The following GRID2 variants were observed in gnomAD, a reference collection of about 807,000 sequenced individuals.
GRID2 encodes glutamate ionotropic receptor delta type subunit 2.
Under a neutral mutation model 114.8 loss-of-function variants are expected in GRID2, and 33 were observed. That is an observed-to-expected ratio of 0.29 (90% CI 0.22 to 0.38). The LOEUF (loss-of-function observed/expected upper bound fraction) is 0.38. Ranked by LOEUF, GRID2 falls within the 10% of genes least tolerant of loss-of-function variation. The pLI, the probability that GRID2 is intolerant of heterozygous loss-of-function variation, is 1.00. For synonymous variants in GRID2, 505 were observed against 449.9 expected (o/e 1.12, Z -1.55); for missense variants, 1,184 against 1,257.7 (o/e 0.94, Z 0.89).
At chr4:92,921,586 G>T (rs1307839179) in intron 2 of GRID2, among the ~76,000 whole-genome samples, 6 of 152,142 alleles carry the variant, frequency 3.9e-5, no homozygotes, top group Non-Finnish European at 5.9e-5. Context: ...TCAGCTGCAG[G>T]TCTGTTGGAG....
chr4:92,509,522 C>T (rs1579490272), intron 1 of GRID2, among the ~76,000 whole-genome samples: 3 of 151,908 alleles, frequency 2.0e-5, no homozygotes, highest in Non-Finnish European at 2.9e-5. Context: ...TGCTTGTTCT[C>T]ATGGAACCTA....
At chr4:93,501,135 A>ACCT (rs976205980) in intron 12 of GRID2, among the ~76,000 whole-genome samples, 1 of 151,970 alleles carries the variant, frequency 6.6e-6, no homozygotes, top group African/African-American at 2.4e-5. Flanking sequence ...TTAGAATCTG[A>ACCT]CCTGAGAGTG....
At chr4:92,945,723 A>C (rs1299726920) in intron 2 of GRID2, among the ~76,000 whole-genome samples, 1 of 152,156 alleles carries the variant, frequency 6.6e-6, no homozygotes. Context: ...TGGGAAGTTT[A>C]AATTGGATGT....
chr4:92,410,758 A>G (rs1465098573), intron 1 of GRID2, among the ~76,000 whole-genome samples: 1 of 152,144 alleles, frequency 6.6e-6, no homozygotes, highest in East Asian at 1.9e-4. Context: ...CAGAATTCAG[A>G]AAAAATTGTA....
intron 2 of GRID2, among the ~76,000 whole-genome samples, chr4:92,912,162 T>C (rs1432694500): frequency 6.6e-6 from 1 of 151,928 alleles, no homozygotes; most frequent in Admixed American, 6.6e-5. Flanking sequence ...TATATTTCAG[T>C]CTTCTTAGGT....
intron 2 of GRID2, among the ~76,000 whole-genome samples, chr4:92,972,927 G>A (rs984642948): frequency 1.3e-5 from 2 of 152,096 alleles, no homozygotes; most frequent in Non-Finnish European, 2.9e-5. Context: ...TCCCTGCAAA[G>A]GAAATGATCT....
intron 9 of GRID2, among the ~76,000 whole-genome samples, chr4:93,414,625 C>T (rs957104289): frequency 6.7e-6 from 1 of 150,370 alleles, no homozygotes; most frequent in African/African-American, 2.5e-5. Flanking sequence ...CTCACATATG[C>T]CTTCTTCTCA....
At chr4:92,763,307 C>T (rs1024549782) in intron 2 of GRID2, among the ~76,000 whole-genome samples, 1 of 152,154 alleles carries the variant, frequency 6.6e-6, no homozygotes, top group Non-Finnish European at 1.5e-5. Flanking sequence ...GAGCTTACAA[C>T]TGAATGATAG....
chr4:92,666,264 TA>T (rs1484893673), intron 2 of GRID2, among the ~76,000 whole-genome samples: 2 of 151,594 alleles, frequency 1.3e-5, no homozygotes, highest in African/African-American at 2.4e-5. Context: ...TAGTTATTTT[TA>T]AAATACTCTA....
At chr4:93,137,238 C>T (rs756571817) in intron 4 of GRID2, among the ~76,000 whole-genome samples, 1 of 152,096 alleles carries the variant, frequency 6.6e-6, no homozygotes, top group African/African-American at 2.4e-5. Context: ...TATAGCAAAA[C>T]CTCAGCTTGA....
At chr4:93,137,545 A>G (rs1398102854) in intron 4 of GRID2, among the ~76,000 whole-genome samples, 3 of 152,186 alleles carry the variant, frequency 2.0e-5, no homozygotes, top group African/African-American at 7.2e-5. Flanking sequence ...AAGCAAGTAA[A>G]CAGAAAGAGG....
At chr4:93,324,229 A>T (rs7658165) in intron 8 of GRID2, among the ~76,000 whole-genome samples, 56,100 of 151,898 alleles carry the variant, frequency 0.37, 12,805 homozygotes, top group African/African-American at 0.65. Flanking sequence ...CCCATCAATA[A>T]CTAGTTTATT....
At chr4:92,315,384 C>CA (rs1725914512) in intron 1 of GRID2, among the ~76,000 whole-genome samples, 1 of 151,802 alleles carries the variant, frequency 6.6e-6, no homozygotes, top group Non-Finnish European at 1.5e-5. Flanking sequence ...CAATGACTCA[C>CA]AAAAAAAGCA....
At chr4:92,682,540 C>A (rs1430277375) in intron 2 of GRID2, among the ~76,000 whole-genome samples, 2 of 152,144 alleles carry the variant, frequency 1.3e-5, no homozygotes, top group African/African-American at 4.8e-5. Flanking sequence ...GTATACCATT[C>A]AAACCCAGCC....
intron 1 of GRID2, among the ~76,000 whole-genome samples, chr4:92,450,443 A>G (rs1720841299): frequency 6.6e-6 from 1 of 152,136 alleles, no homozygotes; most frequent in Non-Finnish European, 1.5e-5. Context: ...ATGAAGGCAA[A>G]AAAGGTCCAT....
chr4:93,062,082 C>G (rs1015073317), intron 2 of GRID2, among the ~76,000 whole-genome samples: 7 of 152,166 alleles, frequency 4.6e-5, no homozygotes, highest in Non-Finnish European at 1.0e-4. Context: ...GGAAATGAGG[C>G]AGTTACAGAC....
At chr4:93,309,823 G>T (rs952793052) in intron 8 of GRID2, among the ~76,000 whole-genome samples, 1 of 152,146 alleles carries the variant, frequency 6.6e-6, no homozygotes, top group Admixed American at 6.6e-5. Flanking sequence ...GTTAAGTGCA[G>T]GAAGAGGGCA....
intron 8 of GRID2, among the ~76,000 whole-genome samples, chr4:93,360,467 A>G (rs1295861023): frequency 6.6e-6 from 1 of 151,942 alleles, no homozygotes; most frequent in Non-Finnish European, 1.5e-5. Context: ...TAGTGTCAGT[A>G]TTTCTATTTT....
At chr4:93,764,380 GAATC>G (rs1733459389) in intron 14 of GRID2, among the ~76,000 whole-genome samples, 2 of 152,178 alleles carry the variant, frequency 1.3e-5, no homozygotes, top group Admixed American at 1.3e-4. Context: ...CCGTGTCAGT[GAATC>G]AATCATTCAT....
Sources: gnomAD v4.1 joint callset for allele counts (sites outside exome capture counted in the v4.1 genomes callset) on GRCh38, gnomAD v4.1.1 for gene constraint, MANE v1.5 for transcripts, NCBI Gene and HGNC (gene_info 2026-07-23, HGNC 2026-07-21) for gene names.